The following ANKHD1 variants were observed in gnomAD, a reference collection of about 807,000 sequenced individuals.
ANKHD1 encodes ankyrin repeat and KH domain-containing protein 1.
In ANKHD1, 31 loss-of-function variants were observed where a neutral mutation model predicts 230.5. The observed-to-expected ratio is 0.13, with a 90% CI of 0.10 to 0.18. The LOEUF is 0.18. ANKHD1 is among the 10% of genes least tolerant of loss of function. ANKHD1 has a pLI of 1.00. For synonymous variants in ANKHD1, 1,074 were observed against 1,117.6 expected (o/e 0.96, Z 0.78); for missense variants, 2,256 against 3,071.3 (o/e 0.73, Z 6.27).
chr5:140,537,963 C>A, intron 31 of ANKHD1, 123 bp from the exon 32 acceptor site: 1 of 1,394,556 alleles, frequency 7.2e-7, no homozygotes, highest in South Asian at 1.6e-5. Flanking sequence ...GTGATAAATA[C>A]GCTTTGAGCT....
At chr5:140,473,026 CTTTT>C (rs67081504) in intron 10 of ANKHD1, among the ~76,000 whole-genome samples, 8 of 131,120 alleles carry the variant, frequency 6.1e-5, no homozygotes, top group Admixed American at 1.5e-4. Context: ...ATCTAAGTTT[CTTTT>C]TTTTTTTTTT....
chr5:140,501,709 A>G (rs1752310910), intron 15 of ANKHD1, among the ~76,000 whole-genome samples: 1 of 151,992 alleles, frequency 6.6e-6, no homozygotes, highest in Admixed American at 6.6e-5. Context: ...AGATCATGCC[A>G]CTGCACTCCA....
chr5:140,463,542 G>A (rs1775868677), intron 9 of ANKHD1, among the ~76,000 whole-genome samples: 1 of 152,112 alleles, frequency 6.6e-6, no homozygotes, highest in African/African-American at 2.4e-5. Context: ...GGTCAGGGCT[G>A]GGGAATATAT....
At chr5:140,420,181 G>C (rs1771861113) in intron 1 of ANKHD1, among the ~76,000 whole-genome samples, 1 of 150,956 alleles carries the variant, frequency 6.6e-6, no homozygotes, top group Non-Finnish European at 1.5e-5. Context: ...GTACAGACAA[G>C]GTCTCACCAT....
intron 15 of ANKHD1, among the ~76,000 whole-genome samples, chr5:140,498,471 T>C (rs1400951438): frequency 4.6e-5 from 7 of 152,218 alleles, no homozygotes. Context: ...ATAGGTATCA[T>C]TGTGCAGAGG....
intron 14 of ANKHD1, among the ~76,000 whole-genome samples, chr5:140,491,571 C>T (rs1751808607): frequency 6.6e-6 from 1 of 152,084 alleles, no homozygotes; most frequent in South Asian, 2.1e-4. Flanking sequence ...CCACCTATCT[C>T]TAGATTGTTT....
At chr5:140,413,047 T>C (rs1386316974) in intron 1 of ANKHD1, among the ~76,000 whole-genome samples, 21 of 152,228 alleles carry the variant, frequency 1.4e-4, no homozygotes, top group Admixed American at 1.4e-3. Flanking sequence ...AGTGATTGAT[T>C]CATCTGTATT....
At chr5:140,487,139 CAG>C in intron 14 of ANKHD1, 79 bp downstream of exon 14, 1 of 1,430,106 alleles carries the variant, frequency 7.0e-7, no homozygotes, top group South Asian at 1.3e-5. Flanking sequence ...TTTAATGATA[CAG>C]AGTTACTGTG....
intron 1 of ANKHD1, among the ~76,000 whole-genome samples, chr5:140,422,681 G>A (rs1052849068): frequency 1.3e-5 from 2 of 150,888 alleles, no homozygotes; most frequent in African/African-American, 2.4e-5. Flanking sequence ...GTAGTGGTAC[G>A]CACCTGTAAT....
rs111653797 is a variant in ANKHD1, at chr5:140,493,857, C to A, written c.2246-2663C>A. ...ACAAGATAGACAGGGCCATTCCTATCTGTTACTGTCCTCAAAATTCTACTC... is the reference window on the plus strand; with the variant it reads ...ACAAGATAGACAGGGCCATTCCTATATGTTACTGTCCTCAAAATTCTACTC... On this transcript the variant is annotated intron_variant, in intron 14 of 33. Coordinates refer to ENST00000360839, the MANE Select transcript of ANKHD1 (RefSeq NM_017747.3). Among the ~76,000 whole-genome samples, 326 of 152,294 alleles carry A rather than the reference C, an allele frequency of 2.1e-3. 2 individuals carry two copies. The highest frequency in any genetic ancestry group is 3.5e-3 in the Non-Finnish European group (238 of 68,014).
chr5:140,455,751 C>T (rs1300691260), intron 7 of ANKHD1, among the ~76,000 whole-genome samples: 3 of 152,142 alleles, frequency 2.0e-5, no homozygotes, highest in Non-Finnish European at 2.9e-5. Flanking sequence ...ACCCCACAGC[C>T]AATATCATAC....
intron 6 of ANKHD1, 91 bp downstream of exon 6, chr5:140,446,066 T>G: frequency 8.1e-7 from 1 of 1,241,410 alleles, no homozygotes; most frequent in Non-Finnish European, 1.1e-6. Flanking sequence ...TTATATTGCT[T>G]ATGTTTTCCC....
At chr5:140,424,778 T>C (rs1452264090) in intron 1 of ANKHD1, among the ~76,000 whole-genome samples, 2 of 152,236 alleles carry the variant, frequency 1.3e-5, no homozygotes, top group African/African-American at 2.4e-5. Flanking sequence ...TTCTGTTCAC[T>C]ACACTGGTTA....
Position 140,440,190 on chromosome 5 carries a change from G to A in ANKHD1, c.689G>A (p.Ser230Asn), listed in dbSNP as rs1477094541. The part of the protein sequence containing the change: ...AVRKLLDEGR[S>N]VNEHTEEGES... ...CGTAAATTGCTAGATGAAGGCAGAA[G>A]TGTAAATGAACATACAGAAGAAGGA... Residue 230 changes from serine (S) to asparagine (N), a missense_variant, in exon 4 of 34, where the codon AGT (serine) becomes AAT (asparagine). Coordinates refer to ENST00000360839, the MANE Select transcript of ANKHD1 (RefSeq NM_017747.3). 1.2e-6 allele frequency: 2 copies of A among 1,613,588 alleles called. No individual in the cohort carries two copies. The highest frequency in any genetic ancestry group is 4.5e-5 in the East Asian group (2 of 44,828).
chr5:140,497,355 G>A (rs769064115), intron 15 of ANKHD1, 77 bp downstream of exon 15: 11 of 1,498,718 alleles, frequency 7.3e-6, no homozygotes, highest in African/African-American at 5.6e-5. Flanking sequence ...CTCCAAAAAC[G>A]TAGACTTTGT....
intron 10 of ANKHD1, among the ~76,000 whole-genome samples, chr5:140,480,966 A>G (rs1163258470): frequency 6.6e-6 from 1 of 152,104 alleles, no homozygotes; most frequent in African/African-American, 2.4e-5. Flanking sequence ...ATGTATGTCC[A>G]TAATAGGAAG....
At chr5:140,534,253 G>T (rs1456394168) in intron 29 of ANKHD1, among the ~76,000 whole-genome samples, 1 of 152,114 alleles carries the variant, frequency 6.6e-6, no homozygotes, top group Non-Finnish European at 1.5e-5. Flanking sequence ...TTAGCCGGGC[G>T]TGATGGCAGA....
Position 140,506,340 on chromosome 5 carries a change from G to A in ANKHD1, c.3408+471G>A, listed in dbSNP as rs1188405337. 2.0e-5 allele frequency among the ~76,000 whole-genome samples: 3 copies of A among 151,706 alleles called. No homozygotes were observed. The highest frequency in any genetic ancestry group is 2.9e-5 in the Non-Finnish European group (2 of 67,938). On this transcript the variant is annotated intron_variant, in intron 18 of 33. Transcript: ENST00000360839. The surrounding 1 kb of genome is among the most constrained non-coding windows in gnomAD (Gnocchi z 4.7). ...GCGGGGGTTTGTGGAGGGAACAGGAGGGTGGAGATGAGGTCTCATTATGTT... is the reference window on the plus strand; with the variant it reads ...GCGGGGGTTTGTGGAGGGAACAGGAAGGTGGAGATGAGGTCTCATTATGTT...
intron 14 of ANKHD1, among the ~76,000 whole-genome samples, chr5:140,493,571 A>C (rs1395441898): frequency 6.6e-6 from 1 of 152,160 alleles, no homozygotes; most frequent in Non-Finnish European, 1.5e-5. Context: ...ATGTTGCTTT[A>C]GTTTCTAGGA....
Sources: gnomAD v4.1 joint callset for allele counts (sites outside exome capture counted in the v4.1 genomes callset) on GRCh38, gnomAD v4.1.1 for gene constraint, Gnocchi (gnomAD v3.1) non-coding constraint, MANE v1.5 for transcripts, NCBI Gene and HGNC (gene_info 2026-07-23, HGNC 2026-07-21) for gene names.